GSN: variants seen among roughly 807,000 people sequenced by gnomAD.
The protein encoded by GSN is actin-depolymerizing factor.
In GSN, 56 loss-of-function variants were observed where a neutral mutation model predicts 85.7. The observed-to-expected ratio is 0.65, with a 90% confidence interval of 0.53 to 0.82. The LOEUF (loss-of-function observed/expected upper bound fraction) is 0.82, where lower values mean the gene tolerates loss of function less well. Ranked by LOEUF, GSN falls within the 40% of genes least tolerant of loss-of-function variation. The pLI is 0.00. For synonymous variants in GSN, 373 were observed against 399.1 expected (o/e 0.93, Z 0.78); for missense variants, 857 against 979.8 (o/e 0.87, Z 1.67).
intron 2 of GSN, among the ~76,000 whole-genome samples, chr9:121,300,739 TCTC>T (rs1267838838): frequency 3.3e-5 from 5 of 152,096 alleles, no homozygotes; most frequent in South Asian, 2.1e-4. Flanking sequence ...TGCATCCTCT[TCTC>T]CTCTTCCAAG....
chr9:121,263,401 G>C (rs118157601), upstream of GSN, among the ~76,000 whole-genome samples: 3 of 152,298 alleles, frequency 2.0e-5, no homozygotes, highest in East Asian at 3.9e-4. Context: ...TTATGTATTA[G>C]TCATTTTCAC....
chr9:121,204,597 G>A (rs2053853327), upstream of GSN, among the ~76,000 whole-genome samples: 1 of 152,116 alleles, frequency 6.6e-6, no homozygotes, highest in African/African-American at 2.4e-5. Context: ...CTGTCCATTG[G>A]GTGCCAAACA....
At chr9:121,230,464 T>G in intron 4 of GSN, among the ~76,000 whole-genome samples, 1 of 152,236 alleles carries the variant, frequency 6.6e-6, no homozygotes. Flanking sequence ...ATGGTATCTT[T>G]GAACTTACAC....
Position 121,310,830 on chromosome 9 carries a change from C to T in GSN, c.498C>T (p.Ile166=). The T allele has an allele frequency of 6.2e-7, 1 of 1,614,116 alleles. No individual in the cohort carries two copies. The highest frequency in any genetic ancestry group is 1.3e-5 in the African/African-American group (1 of 75,056). ...GCTTCAACAATGGCGACTGCTTCAT[C>T]CTGGACCTGGGCAACGTGAGTCCTG... ...WESFNNGDCF[I]LDLGNNIHQW... is the part of the protein sequence containing the mutation. Residue 166 remains isoleucine, a synonymous_variant, in exon 5 of 18, where the codon ATC becomes ATT. Transcript: ENST00000432226.
At chr9:121,284,771 G>A (rs994121746) in intron 2 of GSN, 1 of 167,144 alleles carries the variant, frequency 6.0e-6, no homozygotes, top group African/African-American at 2.4e-5. Context: ...CAGCTGAGGA[G>A]TGACTTGATC....
chr9:121,302,816 C>T, intron 3 of GSN, 95 bp from the exon 4 acceptor site: 3 of 1,216,432 alleles, frequency 2.5e-6, no homozygotes, highest in Non-Finnish European at 3.6e-6. Context: ...ACAGCTAGGT[C>T]AGGGCAGTGC....
At chr9:121,294,212 C>G (rs1473562158) in intron 2 of GSN, among the ~76,000 whole-genome samples, 2 of 152,222 alleles carry the variant, frequency 1.3e-5, no homozygotes, top group Non-Finnish European at 2.9e-5. Flanking sequence ...AAGTCTTCTG[C>G]TGGTTCCACG....
At chr9:121,244,480 G>A (rs1030409500) in intron 5 of GSN, among the ~76,000 whole-genome samples, 5 of 152,182 alleles carry the variant, frequency 3.3e-5, no homozygotes, top group Non-Finnish European at 7.3e-5. Context: ...AGTTCCAGTT[G>A]CTCCACAACC....
Position 121,317,148 on chromosome 9 carries a change from G to A in GSN, c.816G>A (p.Gln272=), listed in dbSNP as rs1423249984. The A allele has an allele frequency of 6.2e-7, 1 of 1,613,780 alleles. No homozygotes were observed. Among genetic ancestry groups the A allele is most frequent in the Non-Finnish European group, 8.5e-7 (1 of 1,179,778 alleles). ...SLVADENPFA[Q]GALKSEDCFI... ...TGGCTGATGAGAACCCCTTCGCCCA[G>A]GGGGCCCTGAAGTCAGAGGACTGCT... is the stretch of plus-strand genomic sequence containing the variant. Residue 272 remains glutamine (Q), a synonymous_variant, in exon 8 of 18, where the codon CAG becomes CAA. Coordinates refer to ENST00000432226, the MANE Select transcript of GSN (RefSeq NM_198252.3).
intron 5 of GSN, among the ~76,000 whole-genome samples, chr9:121,235,933 T>C (rs1564348628): frequency 6.6e-6 from 1 of 152,228 alleles, no homozygotes; most frequent in Non-Finnish European, 1.5e-5. Context: ...TCTTATTTCC[T>C]TGAGGGTCTG....
intron 6 of GSN, among the ~76,000 whole-genome samples, chr9:121,262,054 A>C (rs1056223109): frequency 6.6e-6 from 1 of 152,242 alleles, no homozygotes; most frequent in African/African-American, 2.4e-5. Context: ...GAGTAGTTCC[A>C]CATTTCTTGA....
chr9:121,302,125 C>A lies in GSN; in HGVS notation c.154C>A (p.Leu52Met). The A allele has an allele frequency of 1.2e-6, 2 of 1,614,208 alleles. No homozygotes were observed. Among genetic ancestry groups the A allele is most frequent in the Non-Finnish European group, 1.7e-6 (2 of 1,179,998 alleles). Reference sequence around the variant, plus strand: ...CTACGTCATCCTGAAGACAGTGCAGCTGAGGAACGGAAATCTGCAGTATGA... The same window carrying A: ...CTACGTCATCCTGAAGACAGTGCAGATGAGGAACGGAAATCTGCAGTATGA... ...DAYVILKTVQ[L>M]RNGNLQYDLH... Residue 52 changes from leucine (L) to methionine (M), a missense_variant, in exon 3 of 18, where the codon CTG becomes ATG. Physicochemically the swap from Leu to Met is conservative, Grantham distance 15. Transcript: ENST00000432226.
At chr9:121,263,389 A>G (rs1001779965), upstream of GSN, among the ~76,000 whole-genome samples, 5 of 152,222 alleles carry the variant, frequency 3.3e-5, no homozygotes, top group African/African-American at 1.2e-4. Context: ...TATTACCTCT[A>G]TTTATGTATT....
intron 11 of GSN, 29 bp downstream of exon 11, chr9:121,321,430 C>T (rs376445883): frequency 2.5e-5 from 41 of 1,608,050 alleles, no homozygotes; most frequent in Middle Eastern, 1.7e-4. Context: ...TGGTGTGTGT[C>T]GTGGGGGTAC....
rs1007356176 is a variant in GSN, at chr9:121,286,030, C to T, written c.-10+4468C>T. 8.8e-5 allele frequency: 105 copies of T among 1,187,878 alleles called. 1 individual carries two copies. In the East Asian group the frequency reaches 1.2e-3, roughly 13 times the overall value. The allele number at this position is 1,187,878 out of a possible 1,614,324, so 73.6% of individuals were successfully genotyped here. ...GAACTGTGTGTGCCTGTGATGCCTG[C>T]GGAGTTGGCTTGGCACAGCTATTTC... On this transcript the variant is annotated intron_variant, in intron 2 of 17. Coordinates refer to ENST00000432226, the MANE Select transcript of GSN (RefSeq NM_198252.3).
intron 6 of GSN, among the ~76,000 whole-genome samples, chr9:121,249,928 G>GT (rs1244083156): frequency 6.6e-5 from 10 of 152,284 alleles, no homozygotes; most frequent in Admixed American, 2.6e-4. Context: ...AAAAAAGCTG[G>GT]TTTTTTAGTG....
chr9:121,329,152 C>A lies in GSN; in HGVS notation c.1888-86C>A. The A allele has an allele frequency of 6.9e-7, 1 of 1,458,212 alleles. No individual in the cohort carries two copies. The highest frequency in any genetic ancestry group is 1.7e-5 in the Admixed American group (1 of 59,058). The allele number at this position is 1,458,212 out of a possible 1,614,324, so 90.3% of individuals were successfully genotyped here. A position where few individuals can be genotyped will look rare whatever the true frequency, so the allele number is the denominator to read the frequency against. Reference sequence around the variant, plus strand: ...GGGGCCCCCTGCCAGCTGCAGCCAGCTGTGCCACTCCCTCAGGGGGCAGAT... The same window carrying A: ...GGGGCCCCCTGCCAGCTGCAGCCAGATGTGCCACTCCCTCAGGGGGCAGAT... On this transcript the variant is annotated intron_variant, in intron 15 of 17. Coordinates refer to ENST00000432226, the MANE Select transcript of GSN (RefSeq NM_198252.3). This position sits in a 1 kb window ranked among gnomAD's most constrained non-coding sequence, Gnocchi z 4.6.
intron 12 of GSN, 89 bp downstream of exon 12, chr9:121,324,733 TTGTCCATCTGTCTGTC>T (rs1466420877): frequency 4.2e-6 from 3 of 720,200 alleles, no homozygotes; most frequent in Non-Finnish European, 7.5e-6. Context: ...ATCCATTCGT[TTGTCCATCTGTCTGTC>T]TGTCCATCCA....
At chr9:121,322,701 C>T (rs1039385943) in intron 11 of GSN, among the ~76,000 whole-genome samples, 6 of 152,166 alleles carry the variant, frequency 3.9e-5, no homozygotes, top group African/African-American at 7.2e-5. Flanking sequence ...TAGTCACACT[C>T]GTGGATTGTG....
Sources: allele counts gnomAD v4.1 joint callset (sites outside exome capture counted in the v4.1 genomes callset), GRCh38; gene constraint gnomAD v4.1.1; non-coding constraint Gnocchi (gnomAD v3.1); transcripts MANE v1.5; gene names NCBI Gene and HGNC (gene_info 2026-07-23, HGNC 2026-07-21).